Variants in ACSL5 observed in about 807,000 individuals in gnomAD.
The protein encoded by ACSL5 is acyl-CoA synthetase long chain family member 5, also known as long-chain-fatty-acid--CoA ligase 5.
In ACSL5, 50 loss-of-function variants were observed where a neutral mutation model predicts 84.9. The ratio of observed to expected loss-of-function variants is 0.59; its 90% CI spans 0.47 to 0.75. ACSL5 has a LOEUF of 0.75. Ranked by LOEUF, ACSL5 falls within the 30% of genes least tolerant of loss-of-function variation. The pLI is 0.00. For synonymous variants in ACSL5, 280 were observed against 300.7 expected, an observed-to-expected ratio of 0.93 and a Z score of 0.71; for missense variants, 775 against 830.4, an observed-to-expected ratio of 0.93 and a Z score of 0.82.
chr10:112,380,390 G>A (rs961177023), intron 1 of ACSL5, among the ~76,000 whole-genome samples: 1 of 152,106 alleles, frequency 6.6e-6, no homozygotes, highest in Non-Finnish European at 1.5e-5. Flanking sequence ...CTCCAGAGGT[G>A]CAGTGTCTAC....
chr10:112,386,932 A>C (rs1849465921), intron 1 of ACSL5, among the ~76,000 whole-genome samples: 1 of 152,236 alleles, frequency 6.6e-6, no homozygotes, highest in Non-Finnish European at 1.5e-5. Context: ...CAGTAATTAT[A>C]AAACTGAAAC....
chr10:112,422,519 G>T (rs1201558015), intron 17 of ACSL5, 78 bp downstream of exon 17: 3 of 1,375,098 alleles, frequency 2.2e-6, no homozygotes, highest in Non-Finnish European at 3.1e-6. Context: ...AAGAGGTGCA[G>T]AAATGCAAGT....
At chr10:112,410,398 C>A in intron 7 of ACSL5, 65 bp from the exon 8 acceptor site, 1 of 1,610,192 alleles carries the variant, frequency 6.2e-7, no homozygotes, top group Non-Finnish European at 8.5e-7. Context: ...AGGGAGAGGG[C>A]CACATTTATC....
chr10:112,410,459 A>C lies in ACSL5; in HGVS notation c.712-4A>C. 1 of 1,614,158 alleles carries C rather than the reference A, an allele frequency of 6.2e-7. No homozygotes were observed. Among genetic ancestry groups the C allele is most frequent in the South Asian group, 1.1e-5 (1 of 91,076 alleles). On this transcript the variant is annotated splice_region_variant and splice_polypyrimidine_tract_variant and intron_variant, in intron 7 of 20. Transcript: ENST00000354655. ...CTTTCTTTCTTGGTTTTCCATTCAC[A>C]TAGAACCTAGGCAAAGAGCACTTCA...
In ACSL5 at chr10:112,422,443, T is replaced by G. The variant is rs1589699657; in HGVS notation, c.1593+2T>G. The G allele has an allele frequency of 6.2e-6, 10 of 1,613,126 alleles. No homozygotes were observed. Among genetic ancestry groups the G allele is most frequent in the Non-Finnish European group, 8.5e-6 (10 of 1,179,256 alleles). On this transcript the variant is annotated splice_donor_variant, in intron 17 of 20. Transcript: ENST00000354655. LOFTEE classifies it high-confidence loss of function. ...GGAGACATTGGTCGCTGGCTCCCGG[T>G]AGGTATATCATCAGAACTCCTGGAA...
intron 7 of ACSL5, 76 bp downstream of exon 7, chr10:112,409,761 G>T (rs1324075729): frequency 6.8e-7 from 1 of 1,460,086 alleles, no homozygotes; most frequent in East Asian, 2.3e-5. Context: ...ACCTTCCCAA[G>T]AGGACAGTGT....
chr10:112,425,845 A>G (rs1020890742), intron 18 of ACSL5, among the ~76,000 whole-genome samples: 1 of 151,550 alleles, frequency 6.6e-6, no homozygotes, highest in Non-Finnish European at 1.5e-5. Context: ...ATATATATAA[A>G]GCAACAAACA....
intron 14 of ACSL5, among the ~76,000 whole-genome samples, chr10:112,418,499 G>A (rs1057219879): frequency 7.2e-5 from 11 of 152,096 alleles, no homozygotes; most frequent in East Asian, 3.9e-4. Flanking sequence ...GGAGAATGGC[G>A]TGAACCCGGC....
At chr10:112,390,704 T>C (rs1484227877) in intron 1 of ACSL5, among the ~76,000 whole-genome samples, 2 of 148,450 alleles carry the variant, frequency 1.3e-5, no homozygotes, top group Non-Finnish European at 3.0e-5. Context: ...AGATAGAGTG[T>C]AGTCTATCCA....
At chr10:112,416,826 A>G (rs1844325198) in intron 12 of ACSL5, 62 bp from the exon 13 acceptor site, 6 of 1,570,878 alleles carry the variant, frequency 3.8e-6, no homozygotes, top group Non-Finnish European at 5.2e-6. Context: ...TTTCTTGCTC[A>G]CTAATGGCTT....
intron 2 of ACSL5, 106 bp from the exon 3 acceptor site, chr10:112,398,795 G>A (rs558812131): frequency 3.8e-5 from 33 of 870,992 alleles, no homozygotes; most frequent in Middle Eastern, 2.2e-4. Context: ...GAACATTCCC[G>A]TGACCTCAAA....
At chr10:112,400,388 TTTTCCTTTTTTTC>T (rs1843852567) in intron 3 of ACSL5, among the ~76,000 whole-genome samples, 1 of 146,900 alleles carries the variant, frequency 6.8e-6, no homozygotes, top group Non-Finnish European at 1.5e-5. Context: ...GCTAATTTTT[TTTTCCTTTTTTTC>T]TTTTCTTTTT....
intron 17 of ACSL5, chr10:112,424,475 A>T (rs1338596168): frequency 6.6e-6 from 1 of 152,250 alleles, no homozygotes; most frequent in African/African-American, 2.4e-5. Context: ...TCTTGCTAAT[A>T]TATTTGTTTC....
intron 1 of ACSL5, among the ~76,000 whole-genome samples, chr10:112,390,824 C>T (rs1023014390): frequency 6.6e-6 from 1 of 152,136 alleles, no homozygotes; most frequent in Non-Finnish European, 1.5e-5. Context: ...CAAAAAGTCA[C>T]ATATATGGTT....
intron 2 of ACSL5, among the ~76,000 whole-genome samples, chr10:112,395,326 C>A (rs1843723002): frequency 6.6e-6 from 1 of 152,150 alleles, no homozygotes; most frequent in Non-Finnish European, 1.5e-5. Context: ...TTGGAGTTGG[C>A]AAACATAGCC....
At chr10:112,378,093 A>C (rs1255796519) in intron 1 of ACSL5, among the ~76,000 whole-genome samples, 2 of 152,138 alleles carry the variant, frequency 1.3e-5, no homozygotes, top group Non-Finnish European at 2.9e-5. Context: ...CTATAGTGAG[A>C]CCACAGATAC....
intron 1 of ACSL5, 148 bp from the exon 2 acceptor site, chr10:112,394,770 A>G: frequency 6.8e-7 from 1 of 1,472,312 alleles, no homozygotes; most frequent in Non-Finnish European, 8.9e-7. Context: ...CTGCCACTAG[A>G]GAGGTACAAC....
At position 112,411,252 on chromosome 10, in the gene ACSL5, G is replaced by A. The variant is rs370920451; in HGVS notation, c.797-204G>A. On this transcript the variant is annotated intron_variant, in intron 9 of 20. Coordinates refer to ENST00000354655, the MANE Select transcript of ACSL5 (RefSeq NM_203379.2). ...GGCTGTGCTCTGCATAGTAGTAGAA[G>A]GCCAACGATGCATTCAGCAGTAGAA... The A allele has an allele frequency of 2.9e-5, 17 of 576,960 alleles. No individual in the cohort carries two copies. In the East Asian group the frequency reaches 4.1e-4, roughly 14 times the overall value. 35.7% of individuals were successfully genotyped at this position (576,960 alleles called of 1,614,324 possible). A position where few individuals can be genotyped will look rare whatever the true frequency, so the allele number is the denominator to read the frequency against.
Position 112,427,509 on chromosome 10 carries a change from A to T in ACSL5, c.*151A>T. The T allele has an allele frequency of 3.2e-6, 2 of 624,996 alleles. No individual in the cohort carries two copies. Among genetic ancestry groups the T allele is most frequent in the Non-Finnish European group, 2.5e-6 (1 of 399,152 alleles). 38.7% of individuals were successfully genotyped at this position (624,996 alleles called of 1,614,324 possible). On this transcript the variant is annotated 3_prime_UTR_variant, in exon 21 of 21. Transcript: ENST00000354655. ...TAGCTTTTGTTTTATATTGAGACATATAATGTGTAAACTTAGTTCCCAAAT... is the reference window on the plus strand; with the variant it reads ...TAGCTTTTGTTTTATATTGAGACATTTAATGTGTAAACTTAGTTCCCAAAT...
Sources: allele counts gnomAD v4.1 joint callset (sites outside exome capture counted in the v4.1 genomes callset), GRCh38; gene constraint gnomAD v4.1.1; transcripts MANE v1.5; gene names NCBI Gene and HGNC (gene_info 2026-07-23, HGNC 2026-07-21).